Variants in PARVA observed in about 807,000 individuals in gnomAD.
PARVA encodes parvin alpha.
A neutral mutation model predicts 52.6 loss-of-function variants in PARVA; 25 were observed. The ratio of observed to expected loss-of-function variants is 0.48; its 90% CI spans 0.35 to 0.66. PARVA has a LOEUF of 0.66. PARVA is among the 30% of genes least tolerant of loss of function. The pLI, the probability that PARVA is intolerant of heterozygous loss-of-function variation, is 0.01. For synonymous variants in PARVA, 185 were observed against 179.1 expected, an observed-to-expected ratio of 1.03 and a Z score of -0.26; for missense variants, 373 against 450.9, an observed-to-expected ratio of 0.83 and a Z score of 1.56.
At chr11:12,503,319 T>A (rs189900588) in intron 5 of PARVA, among the ~76,000 whole-genome samples, 1 of 152,188 alleles carries the variant, frequency 6.6e-6, no homozygotes, top group African/African-American at 2.4e-5. Context: ...GCGTGCTTTA[T>A]GTGCAGTCTT....
intron 1 of PARVA, among the ~76,000 whole-genome samples, chr11:12,399,709 A>AT (rs983194439): frequency 2.6e-5 from 4 of 151,614 alleles, no homozygotes; most frequent in African/African-American, 7.3e-5. Flanking sequence ...ATACTTTTTG[A>AT]TTTTTTTCTC....
chr11:12,492,267 ACAACT>A, intron 4 of PARVA, among the ~76,000 whole-genome samples: 1 of 152,338 alleles, frequency 6.6e-6, no homozygotes, highest in African/African-American at 2.4e-5. Context: ...ACCTTCAAAA[ACAACT>A]CAAAGATTCA....
chr11:12,377,948 A>G (rs1283772509), intron 1 of PARVA, among the ~76,000 whole-genome samples, 165 bp downstream of exon 1: 2 of 147,964 alleles, frequency 1.4e-5, no homozygotes, highest in African/African-American at 2.4e-5. Flanking sequence ...GGCAGGAGCG[A>G]CGCGCACCCC....
intron 5 of PARVA, among the ~76,000 whole-genome samples, chr11:12,496,913 G>C (rs976219141): frequency 1.3e-5 from 2 of 152,196 alleles, no homozygotes; most frequent in East Asian, 1.9e-4. Flanking sequence ...ACAGCCTTTT[G>C]AGAAAGCTGT....
intron 1 of PARVA, among the ~76,000 whole-genome samples, chr11:12,453,201 G>T (rs1940648132): frequency 6.6e-6 from 1 of 152,008 alleles, no homozygotes; most frequent in Admixed American, 6.6e-5. Context: ...CCTTATTGTG[G>T]CTCTGTTGTT....
At chr11:12,398,032 C>T (rs1320356504) in intron 1 of PARVA, among the ~76,000 whole-genome samples, 1 of 152,074 alleles carries the variant, frequency 6.6e-6, no homozygotes, top group African/African-American at 2.4e-5. Flanking sequence ...ACAGCTGGGC[C>T]CTGCCAGTGT....
At chr11:12,387,782 G>T (rs1589937478) in intron 1 of PARVA, among the ~76,000 whole-genome samples, 1 of 151,984 alleles carries the variant, frequency 6.6e-6, no homozygotes, top group Admixed American at 6.5e-5. Flanking sequence ...GGGTGCAGGG[G>T]GTGACCAGAT....
intron 1 of PARVA, among the ~76,000 whole-genome samples, chr11:12,431,936 GT>G (rs1261066136): frequency 6.6e-6 from 1 of 152,184 alleles, no homozygotes; most frequent in African/African-American, 2.4e-5. Context: ...TGCAGCCTTG[GT>G]CCTCACAGAG....
At chr11:12,432,976 C>T (rs1183734935) in intron 1 of PARVA, among the ~76,000 whole-genome samples, 1 of 151,980 alleles carries the variant, frequency 6.6e-6, no homozygotes, top group South Asian at 2.1e-4. Context: ...TTGCCAGACA[C>T]GATTTAAAAA....
chr11:12,378,574 C>CTTTTTTT (rs373881363), intron 1 of PARVA, among the ~76,000 whole-genome samples: 1 of 114,900 alleles, frequency 8.7e-6, no homozygotes, highest in African/African-American at 3.4e-5. Context: ...CGACCTTATT[C>CTTTTTTT]TTTTTTTTTT....
intron 1 of PARVA, among the ~76,000 whole-genome samples, chr11:12,401,693 A>G (rs1354942264): frequency 6.6e-6 from 1 of 152,230 alleles, no homozygotes; most frequent in Non-Finnish European, 1.5e-5. Flanking sequence ...TTTCCTTTGC[A>G]TCCAGTGACA....
At chr11:12,463,066 C>CAA (rs34743332) in intron 1 of PARVA, among the ~76,000 whole-genome samples, 23 of 147,278 alleles carry the variant, frequency 1.6e-4, no homozygotes, top group Middle Eastern at 3.5e-3. Flanking sequence ...TTAGATCTAC[C>CAA]AAAAAAAAAA....
rs1214759393 is a variant in PARVA, at chr11:12,530,457, GTTAAT to G, written c.*2537_*2541del. On this transcript the variant is annotated 3_prime_UTR_variant, in exon 13 of 13. Transcript: ENST00000334956. ...CTCACTGGGTTTTCTTTTCTTTTCTGTTAATTTAAACTCAGTTATTTTTAATGCTT... is the reference window on the plus strand; with the variant it reads ...CTCACTGGGTTTTCTTTTCTTTTCTGTTAAACTCAGTTATTTTTAATGCTT... 4.6e-5 allele frequency: 7 copies of G among 152,244 alleles called. No individual in the cohort carries two copies. The highest frequency in any genetic ancestry group is 1.7e-4 in the African/African-American group (7 of 41,554). The allele number at this position is 152,244 out of a possible 1,614,324, so 9.4% of individuals were successfully genotyped here.
chr11:12,381,114 C>T (rs1419158030), intron 1 of PARVA, among the ~76,000 whole-genome samples: 1 of 152,198 alleles, frequency 6.6e-6, no homozygotes, highest in African/African-American at 2.4e-5. Flanking sequence ...TATGGTATTT[C>T]TGCAAGCCCA....
chr11:12,464,937 C>T (rs1250770976), intron 1 of PARVA, among the ~76,000 whole-genome samples: 1 of 152,132 alleles, frequency 6.6e-6, no homozygotes, highest in African/African-American at 2.4e-5. Flanking sequence ...GAAACTGTTC[C>T]ACCTCAGATC....
At chr11:12,389,585 T>C (rs903622808) in intron 1 of PARVA, among the ~76,000 whole-genome samples, 1 of 152,086 alleles carries the variant, frequency 6.6e-6, no homozygotes, top group Non-Finnish European at 1.5e-5. Flanking sequence ...TTAGGAGACA[T>C]GGTGATTTCA....
intron 1 of PARVA, among the ~76,000 whole-genome samples, chr11:12,428,712 A>G (rs551035304): frequency 6.6e-6 from 1 of 152,280 alleles, no homozygotes; most frequent in South Asian, 2.1e-4. Flanking sequence ...TGGCCAATTG[A>G]CTAGCGGAGC....
At chr11:12,517,327 A>ACCCCCCT (rs1941581550) in intron 10 of PARVA, among the ~76,000 whole-genome samples, 1 of 44,062 alleles carries the variant, frequency 2.3e-5, no homozygotes, top group Non-Finnish European at 5.1e-5. Context: ...CCCACCCCCC[A>ACCCCCCT]CCATGCTCTG....
At chr11:12,377,095 T>G (rs912749039), upstream of PARVA, 2 of 167,750 alleles carry the variant, frequency 1.2e-5, no homozygotes, top group Non-Finnish European at 1.3e-5. Flanking sequence ...CTGCCCACTT[T>G]GGTGGGGCCT....
Sources: allele counts gnomAD v4.1 joint callset (sites outside exome capture counted in the v4.1 genomes callset), GRCh38; gene constraint gnomAD v4.1.1; transcripts MANE v1.5; gene names NCBI Gene and HGNC (gene_info 2026-07-23, HGNC 2026-07-21).